The following CHD2 variants were observed in gnomAD, a reference collection of about 807,000 sequenced individuals.
The protein encoded by CHD2 is chromodomain helicase DNA binding protein 2, also known as ATP-dependent chromatin remodeler CHD2.
Under a neutral mutation model 243.9 loss-of-function variants are expected in CHD2, and 28 were observed. That is an observed-to-expected ratio of 0.11 (90% CI 0.09 to 0.16). The LOEUF (loss-of-function observed/expected upper bound fraction) is 0.16, where lower values mean the gene tolerates loss of function less well. CHD2 is among the 10% of genes least tolerant of loss of function. The pLI is 1.00. For synonymous variants in CHD2, 775 were observed against 779.0 expected (o/e 0.99, Z 0.09); for missense variants, 1,386 against 2,209.8 (o/e 0.63, Z 7.47).
chr15:93,014,634 A>G, intron 36 of CHD2, 62 bp from the exon 37 acceptor site: 3 of 1,482,184 alleles, frequency 2.0e-6, no homozygotes, highest in Non-Finnish European at 2.8e-6. Context: ...GATAGCCTTT[A>G]TTCTTCTCTG....
intron 35 of CHD2, among the ~76,000 whole-genome samples, chr15:93,010,217 ATACTTGT>A: frequency 6.6e-6 from 1 of 152,114 alleles, no homozygotes; most frequent in East Asian, 1.9e-4. Context: ...TTTTCTTTAT[ATACTTGT>A]TGGTTGATGG....
At chr15:92,901,603 GGTT>G in intron 2 of CHD2, 1 of 438,158 alleles carries the variant, frequency 2.3e-6, no homozygotes, top group Middle Eastern at 5.7e-4. Flanking sequence ...TCAGTTTTTA[GGTT>G]TTTGTACTGC....
chr15:92,960,792 G>A (rs1343511987), intron 16 of CHD2, among the ~76,000 whole-genome samples: 1 of 135,516 alleles, frequency 7.4e-6, no homozygotes, highest in Admixed American at 8.5e-5. Context: ...TCGGCTCACT[G>A]CAACCTCCAC....
rs142316460 is a variant in CHD2, at chr15:92,966,676, C to T, written c.2001-649C>T. On this transcript the variant is annotated intron_variant, in intron 16 of 38. Transcript: ENST00000394196. The stretch of plus-strand genomic sequence containing the variant: ...TTGTAATTCCAGCACTTTGGGAGGC[C>T]GAGGCAGGCGGATCACTTGAGGTCA... Among the ~76,000 whole-genome samples the T allele has an allele frequency of 8.8e-3, 1,336 of 151,898 alleles. 59 individuals carry two copies. Among genetic ancestry groups the T allele is most frequent in the Admixed American group, 0.07 (1,063 of 15,268 alleles).
At chr15:92,918,146 T>A (rs1159800237) in intron 2 of CHD2, among the ~76,000 whole-genome samples, 3 of 152,196 alleles carry the variant, frequency 2.0e-5, no homozygotes, top group Non-Finnish European at 4.4e-5. Flanking sequence ...GAAACCGCGA[T>A]TAAAAATGGA....
intron 35 of CHD2, among the ~76,000 whole-genome samples, chr15:93,011,275 A>G (rs773572777): frequency 6.6e-6 from 1 of 152,202 alleles, no homozygotes; most frequent in Admixed American, 6.5e-5. Flanking sequence ...CAGCAAATGC[A>G]AGCCCAGATA....
intron 19 of CHD2, chr15:92,974,049 T>G (rs1465738804): frequency 2.6e-5 from 4 of 152,190 alleles, no homozygotes; most frequent in African/African-American, 9.7e-5. Flanking sequence ...CAGGTTAGTT[T>G]TGCCTTCTGT....
intron 16 of CHD2, among the ~76,000 whole-genome samples, chr15:92,957,047 C>T (rs1402269546): frequency 6.6e-6 from 1 of 152,060 alleles, no homozygotes; most frequent in Admixed American, 6.5e-5. Context: ...ATCTTATTCA[C>T]GTATTATTAA....
At chr15:92,957,308 A>G (rs990011135) in intron 16 of CHD2, among the ~76,000 whole-genome samples, 13 of 152,304 alleles carry the variant, frequency 8.5e-5, no homozygotes, top group Middle Eastern at 3.4e-3. Context: ...AGCCATTACT[A>G]TTCCTTCTTG....
intron 26 of CHD2, among the ~76,000 whole-genome samples, chr15:92,990,723 T>C (rs1164280020): frequency 6.6e-6 from 1 of 152,230 alleles, no homozygotes; most frequent in Non-Finnish European, 1.5e-5. Flanking sequence ...CATCTGTCCT[T>C]ACATGGTTAT....
chr15:92,980,037 T>TTTTTTTTG (rs1555442995), intron 22 of CHD2, among the ~76,000 whole-genome samples: 3 of 150,028 alleles, frequency 2.0e-5, no homozygotes, highest in Admixed American at 6.6e-5. Flanking sequence ...CAGCTATGTT[T>TTTTTTTTG]TTTGTTTGTT....
intron 16 of CHD2, among the ~76,000 whole-genome samples, chr15:92,958,148 G>T (rs534249541): frequency 1.3e-5 from 2 of 152,286 alleles, no homozygotes; most frequent in South Asian, 4.1e-4. Flanking sequence ...GGATTGTTTG[G>T]AAAGTTTATG....
At chr15:92,952,216 G>T (rs950627882) in intron 13 of CHD2, among the ~76,000 whole-genome samples, 2 of 152,018 alleles carry the variant, frequency 1.3e-5, no homozygotes, top group Non-Finnish European at 2.9e-5. Flanking sequence ...TTGAAATCTA[G>T]CCCATTTTGT....
chr15:93,021,546 CTT>C (rs1348845960), intron 38 of CHD2: 2 of 152,164 alleles, frequency 1.3e-5, no homozygotes, highest in African/African-American at 4.8e-5. Context: ...ATTCTGTTGA[CTT>C]TTAAAAAATT....
chr15:92,967,145 G>A (rs1249106048), intron 16 of CHD2, among the ~76,000 whole-genome samples, 180 bp from the exon 17 acceptor site: 1 of 152,180 alleles, frequency 6.6e-6, no homozygotes, highest in African/African-American at 2.4e-5. Flanking sequence ...CTATTATCCA[G>A]TGTAGACTGA....
At chr15:93,014,577 C>A in intron 36 of CHD2, 119 bp from the exon 37 acceptor site, 1 of 835,548 alleles carries the variant, frequency 1.2e-6, no homozygotes, top group Non-Finnish European at 1.9e-6. Flanking sequence ...AGGTAGTAAA[C>A]GCCAGTTCAG....
At chr15:93,000,856 TTTG>T (rs1176706976) in intron 32 of CHD2, among the ~76,000 whole-genome samples, 4 of 152,104 alleles carry the variant, frequency 2.6e-5, no homozygotes, top group South Asian at 2.1e-4. Flanking sequence ...CTATGACATT[TTTG>T]TTGTTGTTGT....
chr15:92,944,627 A>C (rs775146749), intron 10 of CHD2, 112 bp downstream of exon 10: 3 of 435,736 alleles, frequency 6.9e-6, no homozygotes, highest in Non-Finnish European at 1.2e-5. Flanking sequence ...GACACGTGCT[A>C]GGTTTATTTT....
chr15:92,968,831 T>TAA (rs949017159), intron 17 of CHD2, among the ~76,000 whole-genome samples: 3 of 152,238 alleles, frequency 2.0e-5, no homozygotes, highest in Non-Finnish European at 2.9e-5. Flanking sequence ...ATTCATGCTC[T>TAA]AACAGTCCCA....
Sources: gnomAD v4.1 joint callset for allele counts (sites outside exome capture counted in the v4.1 genomes callset) on GRCh38, gnomAD v4.1.1 for gene constraint, MANE v1.5 for transcripts, NCBI Gene and HGNC (gene_info 2026-07-23, HGNC 2026-07-21) for gene names.